The following MIS18A variants were observed in gnomAD, a reference collection of about 807,000 sequenced individuals.
MIS18A encodes the protein MIS18 kinetochore protein A, also known as protein Mis18-alpha.
A neutral mutation model predicts 25.0 loss-of-function variants in MIS18A; 14 were observed. The observed-to-expected ratio is 0.56, with a 90% CI of 0.37 to 0.88. MIS18A has a LOEUF of 0.88. Ranked by LOEUF, MIS18A falls within the 40% of genes least tolerant of loss-of-function variation. The pLI, the probability that MIS18A is intolerant of heterozygous loss-of-function variation, is 0.00. For synonymous variants in MIS18A, 134 were observed against 118.6 expected, an observed-to-expected ratio of 1.13 and a Z score of -0.84; for missense variants, 292 against 290.8, an observed-to-expected ratio of 1.00 and a Z score of -0.03.
the MIS18A span, among the ~76,000 whole-genome samples, chr21:32,169,642 T>C: frequency 1.2e-4 from 18 of 152,194 alleles, no homozygotes; most frequent in African/African-American, 4.3e-4. Context: ...AAAGGCAGAA[T>C]TGTAAGCCAC....
At chr21:32,243,816 G>A in the MIS18A span, among the ~76,000 whole-genome samples, 2 of 152,042 alleles carry the variant, frequency 1.3e-5, no homozygotes, top group Admixed American at 6.5e-5. Flanking sequence ...TCAGAAGTTC[G>A]AGACTAGCCT....
Position 32,278,832 on chromosome 21 carries a change from C to T in MIS18A, c.183G>A (p.Val61=), listed in dbSNP as rs757724406. The stretch of plus-strand genomic sequence containing the variant: ...CCAGCTGCGCCCTCTCCATGTCGGC[C>T]ACCGACGCGTCTTCGCTCATGGAGC... ...MWSSMSEDAS[V]ADMERAQLEE... Residue 61 remains valine (V), a synonymous_variant, in exon 1 of 5, where the codon GTG becomes GTA. Coordinates refer to ENST00000290130, the MANE Select transcript of MIS18A (RefSeq NM_018944.3). 6.2e-7 allele frequency: 1 copy of T among 1,605,986 alleles called. No individual in the cohort carries two copies. The highest frequency in any genetic ancestry group is 2.2e-5 in the East Asian group (1 of 44,708).
the MIS18A span, among the ~76,000 whole-genome samples, chr21:32,252,333 A>T: frequency 4.0e-5 from 6 of 149,288 alleles, no homozygotes; most frequent in Non-Finnish European, 7.4e-5. Flanking sequence ...GGAAGGAAGG[A>T]AAGAATGAAT....
the MIS18A span, among the ~76,000 whole-genome samples, chr21:32,166,594 T>G: frequency 1.3e-5 from 2 of 152,120 alleles, no homozygotes; most frequent in Non-Finnish European, 2.9e-5. Flanking sequence ...ATTAATTAAT[T>G]AATTAACTAA....
At chr21:32,222,774 C>CA in the MIS18A span, among the ~76,000 whole-genome samples, 157 of 151,300 alleles carry the variant, frequency 1.0e-3, no homozygotes, top group Non-Finnish European at 1.8e-3. Context: ...AATAAAAATA[C>CA]AAAAAAATTA....
At chr21:32,236,462 G>A in the MIS18A span, among the ~76,000 whole-genome samples, 1 of 15,372 alleles carries the variant, frequency 6.5e-5, no homozygotes, top group Non-Finnish European at 1.1e-4. Context: ...AAATAACACT[G>A]GTCAAAAAAA....
the MIS18A span, among the ~76,000 whole-genome samples, chr21:32,180,553 A>G: frequency 8.7e-4 from 133 of 152,280 alleles, no homozygotes; most frequent in African/African-American, 3.0e-3. Context: ...GTTCTTGTGC[A>G]CATGTGTCAG....
chr21:32,205,097 C>CTT, the MIS18A span, among the ~76,000 whole-genome samples: 3,476 of 66,440 alleles, frequency 0.052, 138 homozygotes, highest in Non-Finnish European at 0.063. Context: ...AGAACTTGTC[C>CTT]TTTTTTTTTT....
At chr21:32,183,373 G>A in the MIS18A span, among the ~76,000 whole-genome samples, 117 of 152,224 alleles carry the variant, frequency 7.7e-4, 2 homozygotes, top group South Asian at 0.023. Context: ...AATTGCTTTT[G>A]CCAACAGCTA....
At chr21:32,215,939 G>A in the MIS18A span, among the ~76,000 whole-genome samples, 2 of 152,134 alleles carry the variant, frequency 1.3e-5, no homozygotes, top group Admixed American at 1.3e-4. Flanking sequence ...ATAACAAAAA[G>A]GTCTAACATT....
At chr21:32,256,472 C>A in the MIS18A span, among the ~76,000 whole-genome samples, 2 of 152,166 alleles carry the variant, frequency 1.3e-5, no homozygotes, top group Non-Finnish European at 2.9e-5. Context: ...TGGCTCTCTA[C>A]CGGGAGGCAT....
Position 32,274,908 on chromosome 21 carries a change from G to A in MIS18A, c.335-12C>T, listed in dbSNP as rs200793504. 7.1e-4 allele frequency: 1,135 copies of A among 1,600,448 alleles called. 1 individual carries two copies. The highest frequency in any genetic ancestry group is 9.1e-4 in the Non-Finnish European group (1,070 of 1,169,534). ...ATTACAGGAAACACCTAGAAACAGA[G>A]AAAGTAACAATAATTTATTAATGTA... is the stretch of plus-strand genomic sequence containing the variant. On this transcript the variant is annotated splice_polypyrimidine_tract_variant and intron_variant, in intron 1 of 4. Transcript: ENST00000290130.
chr21:32,158,428 G>A, the MIS18A span, among the ~76,000 whole-genome samples: 87,428 of 151,530 alleles, frequency 0.58, 27,240 homozygotes, highest in African/African-American at 0.83. Flanking sequence ...GTATTAGTGC[G>A]CTTTTTTAGT....
At position 32,268,860 on chromosome 21, in the gene MIS18A, G is replaced by A; in HGVS notation, c.*177C>T. 2.2e-6 allele frequency: 1 copy of A among 463,566 alleles called. No individual in the cohort carries two copies. Among genetic ancestry groups the A allele is most frequent in the Admixed American group, 3.7e-5 (1 of 26,836 alleles). 28.7% of individuals were successfully genotyped at this position (463,566 alleles called of 1,614,324 possible). ...TAGAACACAGTAGTGGCATGACCAA[G>A]GCTCACTGCAGCCTCAACCTCCCAA... On this transcript the variant is annotated 3_prime_UTR_variant, in exon 5 of 5. Transcript: ENST00000290130.
downstream of MIS18A, among the ~76,000 whole-genome samples, chr21:32,265,610 C>T (rs1351529459): frequency 1.3e-5 from 2 of 152,252 alleles, no homozygotes; most frequent in East Asian, 1.9e-4. Context: ...GCCTGAGCCT[C>T]CCACCCACTC....
chr21:32,276,750 C>T (rs573366499), intron 1 of MIS18A, among the ~76,000 whole-genome samples: 1 of 152,142 alleles, frequency 6.6e-6, no homozygotes, highest in Non-Finnish European at 1.5e-5. Context: ...AGCAACATAG[C>T]AAGACTCTGT....
downstream of MIS18A, among the ~76,000 whole-genome samples, chr21:32,266,042 C>T (rs894849907): frequency 1.8e-4 from 27 of 149,996 alleles, no homozygotes; most frequent in Non-Finnish European, 3.5e-4. Flanking sequence ...GCTGCTCTGG[C>T]AAGGACGTGG....
At chr21:32,242,101 C>G in the MIS18A span, among the ~76,000 whole-genome samples, 1 of 152,296 alleles carries the variant, frequency 6.6e-6, no homozygotes, top group East Asian at 1.9e-4. Context: ...AGGATGGTCT[C>G]GATCTCCTGA....
chr21:32,212,497 A>C, the MIS18A span, among the ~76,000 whole-genome samples: 1 of 152,258 alleles, frequency 6.6e-6, no homozygotes, highest in South Asian at 2.1e-4. Flanking sequence ...GAGGGCTGAA[A>C]CTGAAGGGGG....
Sources: allele counts gnomAD v4.1 joint callset (sites outside exome capture counted in the v4.1 genomes callset), GRCh38; gene constraint gnomAD v4.1.1; transcripts MANE v1.5; gene names NCBI Gene and HGNC (gene_info 2026-07-23, HGNC 2026-07-21).